ADAM12: variants seen among roughly 807,000 people sequenced by gnomAD.
ADAM12 encodes ADAM metallopeptidase domain 12, also known as disintegrin and metalloproteinase domain-containing protein 12.
In ADAM12, 70 loss-of-function variants were observed where a neutral mutation model predicts 106.4. That is an observed-to-expected ratio of 0.66 (90% CI 0.54 to 0.80). ADAM12 has a LOEUF of 0.80. Ranked by LOEUF, ADAM12 falls within the 30% of genes least tolerant of loss-of-function variation. The pLI is 0.00. For synonymous variants in ADAM12, 420 were observed against 433.5 expected, an observed-to-expected ratio of 0.97 and a Z score of 0.39; for missense variants, 1,010 against 1,171.9, an observed-to-expected ratio of 0.86 and a Z score of 2.02.
intron 1 of ADAM12, among the ~76,000 whole-genome samples, chr10:126,334,277 A>G (rs781759728): frequency 2.0e-5 from 3 of 152,206 alleles, no homozygotes; most frequent in Non-Finnish European, 2.9e-5. Flanking sequence ...CACAGTTTGC[A>G]TATATTTTAT....
chr10:126,170,118 G>C (rs867018579), intron 3 of ADAM12, among the ~76,000 whole-genome samples: 1 of 152,230 alleles, frequency 6.6e-6, no homozygotes, highest in Non-Finnish European at 1.5e-5. Flanking sequence ...AAGCCAGCCA[G>C]CCAGCCAGCT....
At chr10:126,348,270 T>C (rs1324072134) in intron 1 of ADAM12, among the ~76,000 whole-genome samples, 2 of 152,170 alleles carry the variant, frequency 1.3e-5, no homozygotes, top group African/African-American at 4.8e-5. Flanking sequence ...AAAGGGATAG[T>C]GCCTTTAAGA....
In ADAM12 at chr10:126,287,982, CAGG is replaced by C. The variant is rs374394866; in HGVS notation, c.187-8997_187-8995del. ...GCCTCTGTAGGATGAAGGGTACAGG[CAGG>C]AGGAGTCGGGGATGCAGGAGGAACA... On this transcript the variant is annotated intron_variant, in intron 2 of 22. Coordinates refer to ENST00000448723, the MANE Select transcript of ADAM12 (RefSeq NM_001288973.2). Among the ~76,000 whole-genome samples, 6 of 151,804 alleles carry C rather than the reference CAGG, an allele frequency of 4.0e-5. No individual in the cohort carries two copies. The East Asian group carries it at 7.8e-4, about 20-fold the overall frequency.
chr10:126,388,325 TAA>T lies in ADAM12; in HGVS notation c.-182_-181del, dbSNP rs908404098. On this transcript the variant is annotated 5_prime_UTR_variant, in exon 1 of 23. Coordinates refer to ENST00000448723, the MANE Select transcript of ADAM12 (RefSeq NM_001288973.2). This position sits in a 1 kb window ranked among gnomAD's most constrained non-coding sequence, Gnocchi z 4.4. The stretch of plus-strand genomic sequence containing the variant: ...CTGAGCTCTTCTAGCCTTTCATTTT[TAA>T]AAAAGTTTCCCCCCGTGTGTGTGCG... The T allele has an allele frequency of 2.0e-4, 199 of 993,686 alleles. No individual in the cohort carries two copies. Among genetic ancestry groups the T allele is most frequent in the Non-Finnish European group, 2.4e-4 (187 of 786,804 alleles). The allele number at this position is 993,686 out of a possible 1,614,324, so 61.6% of individuals were successfully genotyped here. A position where few individuals can be genotyped will look rare whatever the true frequency, so the allele number is the denominator to read the frequency against.
chr10:126,198,475 G>A (rs1279756054), intron 3 of ADAM12, among the ~76,000 whole-genome samples: 1 of 152,202 alleles, frequency 6.6e-6, no homozygotes, highest in East Asian at 1.9e-4. Context: ...ACCGGCTCTT[G>A]CAGTGAAATA....
intron 2 of ADAM12, among the ~76,000 whole-genome samples, chr10:126,281,360 G>A (rs1386379580): frequency 6.6e-6 from 1 of 152,034 alleles, no homozygotes; most frequent in East Asian, 1.9e-4. Context: ...TACCTTAAAT[G>A]GAAATCCTGA....
rs112910163 is a variant in ADAM12 at position 126,386,058 on chromosome 10, T to C, written c.88+2000A>G. Among the ~76,000 whole-genome samples the C allele has an allele frequency of 8.4e-3, 1,274 of 152,194 alleles. 24 individuals are homozygous for C. The highest frequency in any genetic ancestry group is 0.029 in the African/African-American group (1,210 of 41,530). On this transcript the variant is annotated intron_variant, in intron 1 of 22. Transcript: ENST00000448723. Reference sequence around the variant, plus strand: ...GTAAGGAAGTGGGTAGGTGGGAATATACTTAGGAGGTTGGTGGCTTACGGA... The same window carrying C: ...GTAAGGAAGTGGGTAGGTGGGAATACACTTAGGAGGTTGGTGGCTTACGGA...
Position 126,349,413 on chromosome 10 carries a change from C to T in ADAM12, c.89-18904G>A, listed in dbSNP as rs1000910071. The stretch of plus-strand genomic sequence containing the variant: ...CATGGTTTATATAGGGAGGTAATAC[C>T]TAGAGAGCTTTGCAGTTCTCAAATA... On this transcript the variant is annotated intron_variant, in intron 1 of 22. Transcript: ENST00000448723. Among the ~76,000 whole-genome samples, 7 of 152,198 alleles carry T rather than the reference C, an allele frequency of 4.6e-5. No individual in the cohort carries two copies. The East Asian group carries it at 9.6e-4, about 21-fold the overall frequency.
In ADAM12 at chr10:126,387,975, G is replaced by C. The variant is rs1003908631; in HGVS notation, c.88+83C>G. On this transcript the variant is annotated intron_variant, in intron 1 of 22. Transcript: ENST00000448723. ...CCGGGGCGCGTCGCCCCTCGGGGCA[G>C]CCCTGGACCTCGGCGCGCCCAGGCG... 3.0e-4 allele frequency: 351 copies of C among 1,176,844 alleles called. No homozygotes were observed. In the Middle Eastern group the frequency reaches 4.1e-3, roughly 14 times the overall value. The allele number at this position is 1,176,844 out of a possible 1,614,324, so 72.9% of individuals were successfully genotyped here. A position where few individuals can be genotyped will look rare whatever the true frequency, so the allele number is the denominator to read the frequency against.
At chr10:126,224,999 G>T (rs7908946) in intron 3 of ADAM12, among the ~76,000 whole-genome samples, 1 of 152,152 alleles carries the variant, frequency 6.6e-6, no homozygotes, top group African/African-American at 2.4e-5. Context: ...TGCTCCTGCC[G>T]CCTCTGAGTC....
chr10:126,246,523 A>G (rs1958633299), intron 3 of ADAM12, among the ~76,000 whole-genome samples: 1 of 152,228 alleles, frequency 6.6e-6, no homozygotes, highest in Admixed American at 6.5e-5. Context: ...GCACATTGAA[A>G]AGCTTATCCA....
chr10:126,034,627 C>G (rs542072715), intron 21 of ADAM12, among the ~76,000 whole-genome samples: 1 of 152,140 alleles, frequency 6.6e-6, no homozygotes, highest in African/African-American at 2.4e-5. Flanking sequence ...TAGTGACTGG[C>G]TAAATGGATG....
At position 126,089,574 on chromosome 10, in the gene ADAM12, A is replaced by G. The variant is rs115657622; in HGVS notation, c.1145+4411T>C. Among the ~76,000 whole-genome samples the G allele has an allele frequency of 6.2e-3, 951 of 152,308 alleles. 7 individuals carry two copies. Among genetic ancestry groups the G allele is most frequent in the African/African-American group, 0.021 (888 of 41,580 alleles). On this transcript the variant is annotated intron_variant, in intron 11 of 22. Coordinates refer to ENST00000448723, the MANE Select transcript of ADAM12 (RefSeq NM_001288973.2). Reference sequence around the variant, plus strand: ...AAAATGAGGAAACCTTAAAAGATAAATCAGATCATATTCCTATCTTGCCTG... The same window carrying G: ...AAAATGAGGAAACCTTAAAAGATAAGTCAGATCATATTCCTATCTTGCCTG...
chr10:126,098,628 T>C (rs1955601558), intron 9 of ADAM12, 128 bp from the exon 10 acceptor site: 2 of 707,830 alleles, frequency 2.8e-6, no homozygotes, highest in Non-Finnish European at 2.4e-6. Flanking sequence ...TGAGGGTATA[T>C]TCACATGTGA....
intron 21 of ADAM12, 76 bp from the exon 22 acceptor site, chr10:126,019,901 T>C: frequency 6.8e-7 from 1 of 1,467,820 alleles, no homozygotes. Flanking sequence ...GGCCTGCCGC[T>C]TGGCACAGGC....
chr10:126,039,466 G>GT, intron 18 of ADAM12, 37 bp from the exon 19 acceptor site: 2 of 1,612,772 alleles, frequency 1.2e-6, no homozygotes, highest in Non-Finnish European at 1.7e-6. Flanking sequence ...GAAGGAGGCA[G>GT]TTACAATGAA....
intron 21 of ADAM12, among the ~76,000 whole-genome samples, chr10:126,029,011 T>A (rs979029857): frequency 6.6e-6 from 1 of 152,152 alleles, no homozygotes; most frequent in Non-Finnish European, 1.5e-5. Flanking sequence ...AAGCTCAACA[T>A]CACTGATCAT....
At chr10:126,141,042 G>C (rs1678925841) in intron 4 of ADAM12, among the ~76,000 whole-genome samples, 1 of 152,260 alleles carries the variant, frequency 6.6e-6, no homozygotes, top group Non-Finnish European at 1.5e-5. Context: ...CTGATGCTAA[G>C]AGGCAGGCAC....
chr10:126,041,038 C>T (rs556471473), intron 18 of ADAM12, among the ~76,000 whole-genome samples: 5 of 152,256 alleles, frequency 3.3e-5, no homozygotes, highest in Non-Finnish European at 5.9e-5. Context: ...TGCATGTTTC[C>T]CTCGCCCCCT....
Sources: gnomAD v4.1 joint callset for allele counts (sites outside exome capture counted in the v4.1 genomes callset) on GRCh38, gnomAD v4.1.1 for gene constraint, Gnocchi (gnomAD v3.1) non-coding constraint, MANE v1.5 for transcripts, NCBI Gene and HGNC (gene_info 2026-07-23, HGNC 2026-07-21) for gene names.